LIFR: variants seen among roughly 807,000 people sequenced by gnomAD.
LIFR encodes LIF receptor subunit alpha.
Under a neutral mutation model 122.2 loss-of-function variants are expected in LIFR, and 84 were observed. The ratio of observed to expected loss-of-function variants is 0.69; its 90% CI spans 0.58 to 0.82. The LOEUF is 0.82. Among genes scored for constraint, LIFR ranks in the 40% least tolerant of loss-of-function variants. The probability of loss-of-function intolerance (pLI) is 0.00; values close to 1 mark genes in which losing one functional copy is unlikely to be tolerated. For missense variants in LIFR, 1,294 were observed against 1,311.6 expected (o/e 0.99, Z 0.21); for synonymous variants, 422 against 434.7 (o/e 0.97, Z 0.36).
intron 1 of LIFR, among the ~76,000 whole-genome samples, chr5:38,574,102 T>A (rs1445912398): frequency 6.6e-6 from 1 of 151,584 alleles, no homozygotes; most frequent in Non-Finnish European, 1.5e-5. Context: ...GGCAACAGAG[T>A]GAGACTCCAT....
intron 5 of LIFR, among the ~76,000 whole-genome samples, chr5:38,522,152 T>TTCTA (rs1011840105): frequency 2.0e-5 from 3 of 152,194 alleles, no homozygotes; most frequent in Non-Finnish European, 4.4e-5. Context: ...ACAATTTGCA[T>TTCTA]TCTAGTCTCA....
Position 38,510,638 on chromosome 5 carries a change from T to G in LIFR, c.817A>C (p.Ser273Arg). The G allele has an allele frequency of 6.2e-7, 1 of 1,613,986 alleles. No homozygotes were observed. Residue 273 changes from serine (S) to arginine (R), a missense_variant, in exon 7 of 20, where the codon AGT becomes CGT. Ser to Arg is a moderately radical substitution (Grantham distance 110). Transcript: ENST00000453190. ...VGSDITFCCVSQEKVLSALIG... is the reference protein window; with the variant it reads ...VGSDITFCCVRQEKVLSALIG... ...AGTGCTGATAACACTTTTTCTTGAC[T>G]CACACAACAAAATGTTATGTCTGAG... is the stretch of plus-strand genomic sequence containing the variant.
At chr5:38,593,789 G>T (rs1358836031) in intron 1 of LIFR, among the ~76,000 whole-genome samples, 1 of 152,130 alleles carries the variant, frequency 6.6e-6, no homozygotes, top group Non-Finnish European at 1.5e-5. Flanking sequence ...CAGCTCCCTT[G>T]TCCCTTTTGC....
chr5:38,594,218 C>T (rs1460637355), intron 1 of LIFR, among the ~76,000 whole-genome samples: 2 of 152,040 alleles, frequency 1.3e-5, no homozygotes, highest in African/African-American at 4.8e-5. Context: ...AAAAAGTGTA[C>T]TTTCCTCAAA....
intron 12 of LIFR, among the ~76,000 whole-genome samples, chr5:38,498,606 G>A (rs1259843321): frequency 1.3e-5 from 2 of 152,170 alleles, no homozygotes; most frequent in African/African-American, 4.8e-5. Flanking sequence ...CATCAGCATA[G>A]ATAATGAAGC....
At chr5:38,549,252 TACACACACAC>T (rs58706799) in intron 1 of LIFR, among the ~76,000 whole-genome samples, 1,612 of 147,906 alleles carry the variant, frequency 0.011, 18 homozygotes, top group African/African-American at 0.026. Flanking sequence ...TAGAAAATTG[TACACACACAC>T]ACACACACAC....
At position 38,502,602 on chromosome 5, in the gene LIFR, G is replaced by A. The variant is rs779065480; in HGVS notation, c.1600+35C>T. The stretch of plus-strand genomic sequence containing the variant: ...AAGTTGTAAAACTTCAGAATACACA[G>A]TAATTATTAGCCATACATCACTTAG... On this transcript the variant is annotated intron_variant, in intron 11 of 19. Transcript: ENST00000453190. 5.2e-6 allele frequency: 8 copies of A among 1,544,066 alleles called. No homozygotes were observed. The South Asian group carries it at 8.9e-5, about 17-fold the overall frequency.
chr5:38,598,880 C>T (rs1750173198), upstream of LIFR, among the ~76,000 whole-genome samples: 2 of 152,234 alleles, frequency 1.3e-5, no homozygotes, highest in African/African-American at 4.8e-5. Context: ...ATACTGAAAC[C>T]TCAATAAATA....
intron 1 of LIFR, among the ~76,000 whole-genome samples, chr5:38,547,738 G>A (rs1041264545): frequency 1.3e-5 from 2 of 152,106 alleles, no homozygotes; most frequent in Non-Finnish European, 1.5e-5. Context: ...TCTGAGAGAC[G>A]TGCTAGGCAA....
chr5:38,496,560 A>G lies in LIFR; in HGVS notation c.1707T>C (p.Leu569=). 2.5e-6 allele frequency: 4 copies of G among 1,613,872 alleles called. No homozygotes were observed. The highest frequency in any genetic ancestry group is 3.4e-6 in the Non-Finnish European group (4 of 1,179,722). Residue 569 remains leucine, a synonymous_variant, in exon 13 of 20, where the codon CTT becomes CTC. Transcript: ENST00000453190. ...CTGATGAACACGATACATTGTAGGA[A>G]AGTATTTTTCCATTAGCTTCATTAA... ...LPINEANGKI[L]SYNVSCSSDE...
At chr5:38,586,175 G>A (rs765431810) in intron 1 of LIFR, among the ~76,000 whole-genome samples, 1 of 151,966 alleles carries the variant, frequency 6.6e-6, no homozygotes, top group African/African-American at 2.4e-5. Flanking sequence ...TGTCACCCGG[G>A]TGTCAATGAA....
chr5:38,554,428 A>C (rs1393116565), intron 1 of LIFR, among the ~76,000 whole-genome samples: 4 of 152,222 alleles, frequency 2.6e-5, no homozygotes, highest in African/African-American at 9.6e-5. Flanking sequence ...AAACCTCAAA[A>C]ACTAATGCTT....
In LIFR at chr5:38,566,336, G is replaced by A. The variant is rs139016335; in HGVS notation, c.-20+28925C>T. Among the ~76,000 whole-genome samples, 737 of 152,264 alleles carry A rather than the reference G, an allele frequency of 4.8e-3. 8 individuals are homozygous for A. The highest frequency in any genetic ancestry group is 0.017 in the African/African-American group (716 of 41,544). ...CAAAGTTAAAATAAAGTTTGCAGAC[G>A]TATCAGTTGGTTTAAAATCAATATT... On this transcript the variant is annotated intron_variant, in intron 1 of 19. Transcript: ENST00000263409.
chr5:38,491,057 T>C (rs149506482), intron 14 of LIFR, among the ~76,000 whole-genome samples: 2 of 152,304 alleles, frequency 1.3e-5, no homozygotes, highest in East Asian at 3.9e-4. Flanking sequence ...AATTAAAAGT[T>C]GCACTCTGCC....
intron 17 of LIFR, 73 bp from the exon 18 acceptor site, chr5:38,484,941 G>A (rs1744203052): frequency 4.0e-6 from 4 of 1,004,398 alleles, no homozygotes; most frequent in Non-Finnish European, 6.3e-6. Context: ...TATGTTAGAA[G>A]GTATTTAGGT....
chr5:38,529,533 A>G (rs771559658), intron 2 of LIFR, among the ~76,000 whole-genome samples: 9 of 152,184 alleles, frequency 5.9e-5, no homozygotes, highest in Non-Finnish European at 1.2e-4. Flanking sequence ...TTACAATCCT[A>G]CTAGTACTTA....
At chr5:38,525,612 G>A (rs760134006) in intron 4 of LIFR, among the ~76,000 whole-genome samples, 1 of 152,194 alleles carries the variant, frequency 6.6e-6, no homozygotes, top group Admixed American at 6.5e-5. Flanking sequence ...CTAAACTACA[G>A]AGCAAAGTCA....
At chr5:38,489,994 CAAAAAAAAAAAAA>C (rs58235156) in intron 15 of LIFR, among the ~76,000 whole-genome samples, 183 bp downstream of exon 15, 5 of 49,686 alleles carry the variant, frequency 1.0e-4, no homozygotes, top group African/African-American at 3.1e-4. Flanking sequence ...GACCCTCTCT[CAAAAAAAAAAAAA>C]AAAAAAAAAA....
At chr5:38,585,739 G>A (rs1247215065) in intron 1 of LIFR, among the ~76,000 whole-genome samples, 1 of 151,564 alleles carries the variant, frequency 6.6e-6, no homozygotes. Flanking sequence ...TTTTCATGGA[G>A]GAAAGCATCT....
Sources: allele counts gnomAD v4.1 joint callset (sites outside exome capture counted in the v4.1 genomes callset), GRCh38; gene constraint gnomAD v4.1.1; transcripts MANE v1.5; gene names NCBI Gene and HGNC (gene_info 2026-07-23, HGNC 2026-07-21).